The following WAC variants were observed in gnomAD, a reference collection of about 807,000 sequenced individuals.
WAC encodes WW domain-containing adapter protein with coiled-coil.
A neutral mutation model predicts 79.6 loss-of-function variants in WAC; 11 were observed. That is an observed-to-expected ratio of 0.14 (90% CI 0.09 to 0.23). WAC has a LOEUF of 0.23. WAC is among the 10% of genes least tolerant of loss of function. WAC has a pLI of 1.00. For synonymous variants in WAC, 304 were observed against 276.9 expected, an observed-to-expected ratio of 1.10 and a Z score of -0.97; for missense variants, 728 against 773.5, an observed-to-expected ratio of 0.94 and a Z score of 0.70.
intron 3 of WAC, among the ~76,000 whole-genome samples, chr10:28,567,384 A>G (rs1838706215): frequency 1.3e-5 from 2 of 152,170 alleles, no homozygotes; most frequent in South Asian, 4.1e-4. Context: ...TCTTTTGGAC[A>G]CTATTTTAAT....
intron 7 of WAC, among the ~76,000 whole-genome samples, chr10:28,606,566 A>G (rs1282183189): frequency 1.3e-5 from 2 of 152,202 alleles, no homozygotes; most frequent in African/African-American, 2.4e-5. Context: ...TGAGATCCAC[A>G]CTTTAGAGAG....
intron 3 of WAC, among the ~76,000 whole-genome samples, chr10:28,559,136 ATGTGTGTGTGTGTGTG>A (rs111740298): frequency 6.8e-6 from 1 of 146,660 alleles, no homozygotes; most frequent in Admixed American, 6.8e-5. Flanking sequence ...GAGAAACCTG[ATGTGTGTGTGTGTGTG>A]TGTGTGTGTG....
At chr10:28,611,067 A>G in intron 9 of WAC, 1 of 569,682 alleles carries the variant, frequency 1.8e-6, no homozygotes, top group Non-Finnish European at 2.9e-6. Context: ...TAATTATTTA[A>G]GACAGTATTT....
At chr10:28,555,312 T>G (rs771026966) in intron 3 of WAC, among the ~76,000 whole-genome samples, 2 of 152,220 alleles carry the variant, frequency 1.3e-5, no homozygotes, top group African/African-American at 2.4e-5. Flanking sequence ...CTCTGAGTTA[T>G]GCTCTTCACT....
intron 3 of WAC, among the ~76,000 whole-genome samples, chr10:28,582,746 A>G (rs1434729304): frequency 2.0e-5 from 3 of 152,132 alleles, no homozygotes; most frequent in Admixed American, 6.5e-5. Flanking sequence ...AGCAAGAGAA[A>G]CTTTTTTCTG....
In WAC at chr10:28,535,669, T is replaced by A. The variant is rs1331871258; in HGVS notation, c.186T>A (p.Ser62=). 6.2e-7 allele frequency: 1 copy of A among 1,614,150 alleles called. No individual in the cohort carries two copies. The highest frequency in any genetic ancestry group is 1.1e-5 in the South Asian group (1 of 91,088). Residue 62 remains serine (S), a synonymous_variant, in exon 3 of 14, where the codon TCT becomes TCA. Transcript: ENST00000354911. ...CACCAAATAAAATGTTGCGGAGATC[T>A]GATAGTCCTGAAAACAAATACAGTG... ...PSPPNKMLRR[S]DSPENKYSDS... is the part of the protein sequence containing the mutation.
chr10:28,618,704 A>G (rs1841578807), intron 13 of WAC, among the ~76,000 whole-genome samples: 1 of 152,200 alleles, frequency 6.6e-6, no homozygotes, highest in African/African-American at 2.4e-5. Flanking sequence ...AAAAACAGGA[A>G]ATATTTTTAC....
intron 3 of WAC, among the ~76,000 whole-genome samples, chr10:28,562,814 G>T (rs773256510): frequency 3.3e-5 from 5 of 152,082 alleles, no homozygotes; most frequent in Non-Finnish European, 7.4e-5. Flanking sequence ...AAAACCTCTA[G>T]CCTGTGGTTG....
intron 12 of WAC, among the ~76,000 whole-genome samples, chr10:28,616,634 A>C (rs1226847021): frequency 6.6e-6 from 1 of 152,260 alleles, no homozygotes; most frequent in African/African-American, 2.4e-5. Flanking sequence ...TTCTTAAAAC[A>C]GCTAAGCAGT....
chr10:28,589,809 C>T lies in WAC; in HGVS notation c.455C>T (p.Thr152Ile), dbSNP rs751861979. The change falls in exon 5 of 14, where the codon ACA (threonine) becomes ATA (isoleucine). Residue 152 changes from threonine (T) to isoleucine (I), a missense_variant. Around this residue, in one of 3 missense-constraint regions of WAC, gnomAD observed 648 missense variants for 661.5 expected, o/e 0.98. Transcript: ENST00000354911. ...AAAAAGTACTACTACAATTGTCGAA[C>T]AGAAGTTTCACAATGGGAAAAACCA... ...SGKKYYYNCRTEVSQWEKPKE... is the reference protein window; with the variant it reads ...SGKKYYYNCRIEVSQWEKPKE... The T allele has an allele frequency of 1.2e-6, 2 of 1,613,708 alleles. No individual in the cohort carries two copies. Among genetic ancestry groups the T allele is most frequent in the Admixed American group, 1.7e-5 (1 of 59,988 alleles).
intron 8 of WAC, among the ~76,000 whole-genome samples, chr10:28,609,333 A>C (rs1050461149): frequency 6.6e-6 from 1 of 152,178 alleles, no homozygotes; most frequent in Admixed American, 6.5e-5. Context: ...TGTACACTCC[A>C]ACCTGGCTGA....
chr10:28,554,215 A>G (rs1390278224), intron 3 of WAC, among the ~76,000 whole-genome samples: 1 of 152,170 alleles, frequency 6.6e-6, no homozygotes, highest in African/African-American at 2.4e-5. Flanking sequence ...TTATATGCAA[A>G]TACTACACTA....
intron 7 of WAC, among the ~76,000 whole-genome samples, chr10:28,599,822 C>T (rs1840553983): frequency 6.6e-6 from 1 of 152,002 alleles, no homozygotes; most frequent in African/African-American, 2.4e-5. Context: ...TGAGGTGACC[C>T]CATTTAGGTC....
chr10:28,579,409 A>T (rs1839416160), intron 3 of WAC, among the ~76,000 whole-genome samples: 1 of 152,142 alleles, frequency 6.6e-6, no homozygotes, highest in African/African-American at 2.4e-5. Flanking sequence ...GTGTGCTTGA[A>T]TACTCACTAG....
intron 6 of WAC, among the ~76,000 whole-genome samples, chr10:28,593,539 G>A (rs184269695): frequency 1.1e-4 from 16 of 152,004 alleles, no homozygotes; most frequent in Admixed American, 2.6e-4. Flanking sequence ...AGGCCGAGAC[G>A]GGTGGATCAT....
At chr10:28,596,727 A>G (rs1383983987) in intron 7 of WAC, among the ~76,000 whole-genome samples, 1 of 152,244 alleles carries the variant, frequency 6.6e-6, no homozygotes, top group African/African-American at 2.4e-5. Context: ...TGTTTTAAGA[A>G]TCTAAGGAAA....
At chr10:28,616,470 TAATG>T (rs1057157543) in intron 12 of WAC, 108 bp downstream of exon 12, 117 of 927,270 alleles carry the variant, frequency 1.3e-4, no homozygotes, top group Admixed American at 4.3e-4. Flanking sequence ...ATATTTAAAA[TAATG>T]AATCTCTAAC....
intron 3 of WAC, among the ~76,000 whole-genome samples, chr10:28,575,119 G>A (rs1444639216): frequency 2.0e-5 from 3 of 152,132 alleles, no homozygotes; most frequent in African/African-American, 7.2e-5. Context: ...TTTTGTTTGT[G>A]TAAGATTTAG....
chr10:28,603,977 ATATATATATATG>A (rs200304923), intron 7 of WAC, among the ~76,000 whole-genome samples: 13,287 of 80,582 alleles, frequency 0.16, 1,316 homozygotes, highest in South Asian at 0.27. Flanking sequence ...ATATATATAT[ATATATATATATG>A]TATATATATA....
Sources: gnomAD v4.1 joint callset for allele counts (sites outside exome capture counted in the v4.1 genomes callset) on GRCh38, gnomAD v4.1.1 for gene constraint, gnomAD v4.1.1 regional missense constraint, MANE v1.5 for transcripts, NCBI Gene and HGNC (gene_info 2026-07-23, HGNC 2026-07-21) for gene names.